The following MYOM2 variants were observed in gnomAD, a reference collection of about 807,000 sequenced individuals.
The protein encoded by MYOM2 is myomesin-2.
A neutral mutation model predicts 187.6 loss-of-function variants in MYOM2; 254 were observed. The ratio of observed to expected loss-of-function variants is 1.35; its 90% confidence interval spans 1.22 to 1.50. The LOEUF is 1.50. Among genes scored for constraint, MYOM2 ranks in the 40% most tolerant of loss-of-function variants. The pLI, the probability that MYOM2 is intolerant of heterozygous loss-of-function variation, is 0.00. For missense variants in MYOM2, 2,796 were observed against 1,924.0 expected, an observed-to-expected ratio of 1.45 and a Z score of -8.48; for synonymous variants, 981 against 753.8, an observed-to-expected ratio of 1.30 and a Z score of -4.94.
intron 32 of MYOM2, among the ~76,000 whole-genome samples, chr8:2,130,174 C>T (rs1330046736): frequency 2.6e-5 from 3 of 116,288 alleles, no homozygotes; most frequent in African/African-American, 4.7e-5. Context: ...CCCCTCACTA[C>T]GCTCTACCCA....
intron 15 of MYOM2, 31 bp from the exon 16 acceptor site, chr8:2,092,315 T>G (rs1200469015): frequency 6.2e-7 from 1 of 1,608,250 alleles, no homozygotes; most frequent in Admixed American, 1.7e-5. Context: ...TCTGATGCCA[T>G]TTCACCACTC....
intron 18 of MYOM2, chr8:2,098,062 A>T (rs914650887): frequency 6.6e-6 from 1 of 152,202 alleles, no homozygotes; most frequent in Non-Finnish European, 1.5e-5. Flanking sequence ...TCCCTGGGTC[A>T]TCTCACTCAG....
chr8:2,059,073 C>G, intron 5 of MYOM2, 80 bp from the exon 6 acceptor site: 1 of 1,175,264 alleles, frequency 8.5e-7, no homozygotes, highest in Non-Finnish European at 1.2e-6. Context: ...GGGCAGCAGG[C>G]GCGGGGGAGC....
chr8:2,072,385 C>T lies in MYOM2; in HGVS notation c.834C>T (p.Val278=). 6.2e-7 allele frequency: 1 copy of T among 1,613,980 alleles called. No homozygotes were observed. The highest frequency in any genetic ancestry group is 2.2e-5 in the East Asian group (1 of 44,866). Residue 278 remains valine, a synonymous_variant, in exon 9 of 37, where the codon GTC becomes GTT. Transcript: ENST00000262113. ...TGATTCCGTACACGCACTTCGACGT[C>T]CAGTTTTTGGAGAAGTTTGGGGTCA... ...SSMIPYTHFD[V]QFLEKFGVTF...
At chr8:2,052,379 G>A (rs1818521799) in intron 3 of MYOM2, 66 bp downstream of exon 3, 1 of 1,493,188 alleles carries the variant, frequency 6.7e-7, no homozygotes, top group African/African-American at 1.4e-5. Context: ...GGACAGTGGG[G>A]TGAGGAGGGA....
chr8:2,115,538 G>A (rs766069134), intron 25 of MYOM2, among the ~76,000 whole-genome samples: 86 of 152,336 alleles, frequency 5.6e-4, no homozygotes, highest in African/African-American at 1.5e-3. Context: ...GCTGTGTCCC[G>A]GGAGCTGAAG....
intron 15 of MYOM2, among the ~76,000 whole-genome samples, chr8:2,090,791 A>T (rs1796275024): frequency 6.6e-6 from 1 of 152,180 alleles, no homozygotes; most frequent in Non-Finnish European, 1.5e-5. Context: ...CCTGCAAAGG[A>T]CGTGGTCTTG....
intron 25 of MYOM2, among the ~76,000 whole-genome samples, chr8:2,110,745 A>G (rs1195007048): frequency 3.3e-5 from 5 of 152,190 alleles, no homozygotes; most frequent in Admixed American, 6.5e-5. Context: ...CAGCCCCCCT[A>G]CCATATTTCT....
At chr8:2,092,738 G>C (rs1225481972) in intron 16 of MYOM2, among the ~76,000 whole-genome samples, 2 of 142,476 alleles carry the variant, frequency 1.4e-5, no homozygotes, top group Admixed American at 7.5e-5. Flanking sequence ...TTTATTTATG[G>C]ATGAAAGGAG....
intron 25 of MYOM2, among the ~76,000 whole-genome samples, chr8:2,111,951 T>A (rs1372677733): frequency 6.6e-6 from 1 of 152,244 alleles, no homozygotes; most frequent in Non-Finnish European, 1.5e-5. Context: ...AGGTGATTTT[T>A]GTGTTTATGG....
chr8:2,128,114 C>A (rs180800319), intron 31 of MYOM2, among the ~76,000 whole-genome samples: 184 of 151,986 alleles, frequency 1.2e-3, no homozygotes, highest in Non-Finnish European at 2.1e-3. Context: ...AACCACATAT[C>A]ATGGTTTAAG....
chr8:2,060,010 G>A (rs1487403983), intron 6 of MYOM2, among the ~76,000 whole-genome samples: 1 of 152,150 alleles, frequency 6.6e-6, no homozygotes, highest in Non-Finnish European at 1.5e-5. Context: ...CCAAAGTGCT[G>A]GGATTATAGG....
intron 10 of MYOM2, among the ~76,000 whole-genome samples, chr8:2,074,185 C>G (rs186567605): frequency 2.5e-4 from 38 of 152,282 alleles, no homozygotes; most frequent in Admixed American, 2.5e-3. Flanking sequence ...TGTATACAGC[C>G]TATAGGTGTG....
chr8:2,085,377 A>G lies in MYOM2; in HGVS notation c.1631A>G (p.Tyr544Cys), dbSNP rs1429957239. The change falls in exon 14 of 37, where the codon TAC (tyrosine) becomes TGC (cysteine). Residue 544 changes from tyrosine (Y) to cysteine (C), a missense_variant. Tyr to Cys is a radical substitution (Grantham distance 194, BLOSUM62 -2). Coordinates refer to ENST00000262113, the MANE Select transcript of MYOM2 (RefSeq NM_003970.4). ...CCCCGTGGCAAGGACCCGCTCATGTACTTCATTGAGAAGGTAAACTCCGGG... is the reference window on the plus strand; with the variant it reads ...CCCCGTGGCAAGGACCCGCTCATGTGCTTCATTGAGAAGGTAAACTCCGGG... ...PTPRGKDPLM[Y>C]FIEKSVVGSG... The G allele has an allele frequency of 6.2e-7, 1 of 1,611,902 alleles. No homozygotes were observed. The highest frequency in any genetic ancestry group is 2.2e-5 in the East Asian group (1 of 44,796).
chr8:2,126,607 G>C (rs549294855), intron 31 of MYOM2, among the ~76,000 whole-genome samples: 1 of 152,192 alleles, frequency 6.6e-6, no homozygotes, highest in African/African-American at 2.4e-5. Context: ...CAGGAGCCCT[G>C]GGAGGCTGGG....
chr8:2,107,923 G>A (rs6991204), intron 23 of MYOM2, among the ~76,000 whole-genome samples: 36,550 of 151,984 alleles, frequency 0.24, 5,488 homozygotes, highest in African/African-American at 0.42. Flanking sequence ...CTCTTATATT[G>A]TGTATAGACT....
intron 32 of MYOM2, 59 bp from the exon 33 acceptor site, chr8:2,140,664 A>G: frequency 1.3e-6 from 2 of 1,560,510 alleles, no homozygotes; most frequent in Non-Finnish European, 1.8e-6. Flanking sequence ...TGCCCTGTAG[A>G]CATTGTGCGT....
chr8:2,059,291 C>T lies in MYOM2; in HGVS notation c.653+46C>T, dbSNP rs755366319. The T allele has an allele frequency of 4.3e-5, 67 of 1,545,790 alleles. 2 individuals are homozygous for T. In the East Asian group the frequency reaches 1.4e-3, roughly 32 times the overall value. On this transcript the variant is annotated intron_variant, in intron 6 of 36. Coordinates refer to ENST00000262113, the MANE Select transcript of MYOM2 (RefSeq NM_003970.4). The stretch of plus-strand genomic sequence containing the variant: ...CTGGACGCTGGCGTCCAGTAATCAG[C>T]ATTGCAGACCCCAAAGAAGAAGTCA...
Position 2,086,296 on chromosome 8 carries a change from C to T in MYOM2, c.1644+906C>T, listed in dbSNP as rs1181699381. ...CTCTGGCACCCCACTGTCGTGATCTCCGCGTGGCCCCCCACAGTCGTGATC... is the reference window on the plus strand; with the variant it reads ...CTCTGGCACCCCACTGTCGTGATCTTCGCGTGGCCCCCCACAGTCGTGATC... On this transcript the variant is annotated intron_variant, in intron 14 of 36. Coordinates refer to ENST00000262113, the MANE Select transcript of MYOM2 (RefSeq NM_003970.4). Among the ~76,000 whole-genome samples the T allele has an allele frequency of 2.1e-5, 3 of 143,734 alleles. 1 individual carries two copies. Among genetic ancestry groups the T allele is most frequent in the Non-Finnish European group, 3.1e-5 (2 of 65,002 alleles). 94.3% of individuals were successfully genotyped at this position (143,734 alleles called of 152,430 possible). A position where few individuals can be genotyped will look rare whatever the true frequency, so the allele number is the denominator to read the frequency against.
Sources: gnomAD v4.1 joint callset for allele counts (sites outside exome capture counted in the v4.1 genomes callset) on GRCh38, gnomAD v4.1.1 for gene constraint, MANE v1.5 for transcripts, NCBI Gene and HGNC (gene_info 2026-07-23, HGNC 2026-07-21) for gene names.